The following OCA2 variants were observed in gnomAD, a reference collection of about 807,000 sequenced individuals.
OCA2 encodes OCA2 melanosomal transmembrane protein, also known as P protein.
Under a neutral mutation model 100.2 loss-of-function variants are expected in OCA2, and 77 were observed. The observed-to-expected ratio is 0.77, with a 90% CI of 0.64 to 0.93. The LOEUF is 0.93. Ranked by LOEUF, OCA2 falls within the 40% of genes least tolerant of loss-of-function variation. OCA2 has a pLI of 0.00. For synonymous variants in OCA2, 432 were observed against 439.2 expected (o/e 0.98, Z 0.21); for missense variants, 1,062 against 1,089.1 (o/e 0.98, Z 0.35).
chr15:28,069,355 G>GCCCTCGCCCTCT (rs2044124611), intron 2 of OCA2, among the ~76,000 whole-genome samples: 1 of 26,816 alleles, frequency 3.7e-5, no homozygotes, highest in South Asian at 1.9e-3. Context: ...TGAAACACCT[G>GCCCTCGCCCTCT]CCCTCTCCCT....
chr15:27,910,152 A>G (rs1460268550), intron 19 of OCA2, among the ~76,000 whole-genome samples: 1 of 152,226 alleles, frequency 6.6e-6, no homozygotes, highest in African/African-American at 2.4e-5. Flanking sequence ...TGAAAACAGC[A>G]CTGAGATACT....
chr15:27,899,793 T>C (rs1462104178), intron 19 of OCA2, among the ~76,000 whole-genome samples: 1 of 152,218 alleles, frequency 6.6e-6, no homozygotes, highest in Non-Finnish European at 1.5e-5. Context: ...GCATGCAGTA[T>C]GTGCTTAAAC....
At chr15:27,819,256 T>C (rs2034417006) in intron 23 of OCA2, among the ~76,000 whole-genome samples, 1 of 152,068 alleles carries the variant, frequency 6.6e-6, no homozygotes, top group African/African-American at 2.4e-5. Context: ...GCAGCAGAAA[T>C]AGAAGCAGAA....
chr15:28,004,965 C>T (rs2042047000), intron 9 of OCA2, among the ~76,000 whole-genome samples: 1 of 152,146 alleles, frequency 6.6e-6, no homozygotes, highest in Admixed American at 6.5e-5. Flanking sequence ...GCCCCTCCAC[C>T]CCTTGAGCCC....
Position 27,801,336 on chromosome 15 carries a change from G to A in OCA2, c.2432+43623C>T, listed in dbSNP as rs566553370. Among the ~76,000 whole-genome samples the A allele has an allele frequency of 7.2e-5, 11 of 152,208 alleles. No homozygotes were observed. The South Asian group carries it at 2.1e-3, about 29-fold the overall frequency. On this transcript the variant is annotated intron_variant, in intron 23 of 23. Transcript: ENST00000354638. The stretch of plus-strand genomic sequence containing the variant: ...TGGGAGGCCAAGGTGGGCAGATCAC[G>A]AGGTCAAGAGATCAAGACCATCCTG...
chr15:28,064,388 C>T (rs761999292), intron 2 of OCA2, among the ~76,000 whole-genome samples: 2 of 151,988 alleles, frequency 1.3e-5, no homozygotes, highest in Non-Finnish European at 2.9e-5. Context: ...CTGTCTGGAA[C>T]ACCCATAATG....
chr15:28,050,974 C>T (rs72712663), intron 2 of OCA2, among the ~76,000 whole-genome samples: 7,746 of 152,244 alleles, frequency 0.051, 270 homozygotes, highest in Middle Eastern at 0.099. Flanking sequence ...CACCCCAGTA[C>T]AGCCACTCGG....
intron 6 of OCA2, among the ~76,000 whole-genome samples, chr15:28,020,967 A>G (rs1284609054): frequency 6.6e-6 from 1 of 152,234 alleles, no homozygotes; most frequent in Non-Finnish European, 1.5e-5. Flanking sequence ...TGAGACTGCC[A>G]GAAGGACTAC....
rs149064027 is a variant in OCA2, at chr15:27,837,771, C to T, written c.2432+7188G>A. On this transcript the variant is annotated intron_variant, in intron 23 of 23. Transcript: ENST00000354638. ...AGAAGACAGCAAACAGGCAGGCAGG[C>T]GTGCCCATCAAAGCCTGGCAGGGGA... 1.0e-2 allele frequency among the ~76,000 whole-genome samples: 1,498 copies of T among 150,334 alleles called. 30 individuals are homozygous for T. The highest frequency in any genetic ancestry group is 0.035 in the African/African-American group (1,416 of 40,714).
the OCA2 span, among the ~76,000 whole-genome samples, chr15:27,748,987 T>C: frequency 1.3e-5 from 2 of 152,070 alleles, no homozygotes; most frequent in African/African-American, 4.8e-5. Flanking sequence ...GCTTTAAGAC[T>C]GTAATTCAAC....
At chr15:27,841,373 G>A (rs1335979857) in intron 23 of OCA2, among the ~76,000 whole-genome samples, 1 of 152,170 alleles carries the variant, frequency 6.6e-6, no homozygotes, top group Non-Finnish European at 1.5e-5. Context: ...TCTGTGCCTT[G>A]ACTGCATCAA....
chr15:27,844,083 C>G (rs2035442578), intron 23 of OCA2, among the ~76,000 whole-genome samples: 1 of 152,194 alleles, frequency 6.6e-6, no homozygotes, highest in African/African-American at 2.4e-5. Context: ...ATTCTGCCCC[C>G]TCACCTGTTT....
intron 11 of OCA2, among the ~76,000 whole-genome samples, chr15:27,988,820 C>T (rs2041447788): frequency 6.6e-6 from 1 of 152,202 alleles, no homozygotes; most frequent in South Asian, 2.1e-4. Context: ...GGTTAGAGCA[C>T]TGGCCTGCCT....
intron 19 of OCA2, among the ~76,000 whole-genome samples, chr15:27,898,261 G>C (rs2037789447): frequency 6.6e-6 from 1 of 152,140 alleles, no homozygotes; most frequent in African/African-American, 2.4e-5. Context: ...AGGGTGAAAT[G>C]ATATGGTTTG....
At chr15:27,786,593 T>C (rs959155973) in intron 23 of OCA2, among the ~76,000 whole-genome samples, 1 of 152,162 alleles carries the variant, frequency 6.6e-6, no homozygotes, top group African/African-American at 2.4e-5. Flanking sequence ...TTGTTATTGT[T>C]GCTGTTAATA....
At chr15:28,008,658 C>G (rs2141178254) in intron 9 of OCA2, among the ~76,000 whole-genome samples, 1 of 152,332 alleles carries the variant, frequency 6.6e-6, no homozygotes, top group East Asian at 1.9e-4. Context: ...GGCGAGTGTG[C>G]CCTTTCTGCA....
In OCA2 at chr15:28,005,162, C is replaced by T. The variant is rs981568225; in HGVS notation, c.1044+9614G>A. 3.3e-5 allele frequency among the ~76,000 whole-genome samples: 5 copies of T among 152,088 alleles called. 1 individual carries two copies. Among genetic ancestry groups the T allele is most frequent in the South Asian group, 4.2e-4 (2 of 4,814 alleles). On this transcript the variant is annotated intron_variant, in intron 9 of 23. Transcript: ENST00000354638. The stretch of plus-strand genomic sequence containing the variant: ...GTAGCTCAGCTCAGCTCAGTTCAGC[C>T]CGCCAGTCCTCAGCACCCCCACTTC...
rs760696838 is a variant in OCA2, at chr15:27,936,785, A to ACC, written c.1952-10532_1952-10531insGG. Among the ~76,000 whole-genome samples, 37 of 152,280 alleles carry ACC rather than the reference A, an allele frequency of 2.4e-4. 1 individual carries two copies. The South Asian group carries it at 7.2e-3, about 30-fold the overall frequency. On this transcript the variant is annotated intron_variant, in intron 18 of 23. Transcript: ENST00000354638. ...GCCCAAGATACCCGCTGTAGCTGCA[A>ACC]CACCAAAGCTCGGAGTGAAGCTAAT...
At chr15:27,861,994 G>A (rs1289470694) in intron 21 of OCA2, among the ~76,000 whole-genome samples, 6 of 152,342 alleles carry the variant, frequency 3.9e-5, no homozygotes, top group East Asian at 1.9e-4. Flanking sequence ...GGGTGGCCAC[G>A]GCGTCACGTG....
Sources: allele counts gnomAD v4.1 joint callset (sites outside exome capture counted in the v4.1 genomes callset), GRCh38; gene constraint gnomAD v4.1.1; transcripts MANE v1.5; gene names NCBI Gene and HGNC (gene_info 2026-07-23, HGNC 2026-07-21).